The following ATP9B variants were observed in gnomAD, a reference collection of about 807,000 sequenced individuals.
ATP9B encodes the protein ATPase phospholipid transporting 9B, also known as probable phospholipid-transporting ATPase IIB.
ATP9B carries 110 observed loss-of-function variants against 146.1 expected under a neutral mutation model. The observed-to-expected ratio is 0.75, with a 90% confidence interval of 0.65 to 0.88. The LOEUF is 0.88. Ranked by LOEUF, ATP9B falls within the 40% of genes least tolerant of loss-of-function variation. ATP9B has a pLI of 0.00. For synonymous variants in ATP9B, 604 were observed against 569.7 expected (o/e 1.06, Z -0.86); for missense variants, 1,499 against 1,496.4 (o/e 1.00, Z -0.03).
At chr18:79,338,422 G>T (rs1006841696) in intron 19 of ATP9B, among the ~76,000 whole-genome samples, 1 of 152,192 alleles carries the variant, frequency 6.6e-6, no homozygotes, top group South Asian at 2.1e-4. Flanking sequence ...CATGCTCCCA[G>T]CAGCAGTATC....
At chr18:79,208,825 A>T (rs187250661) in intron 10 of ATP9B, among the ~76,000 whole-genome samples, 11 of 152,314 alleles carry the variant, frequency 7.2e-5, no homozygotes, top group Non-Finnish European at 1.0e-4. Flanking sequence ...TTTTCCATGA[A>T]GAGACTTCAG....
chr18:79,329,273 G>C lies in ATP9B; in HGVS notation c.1906G>C (p.Glu636Gln), dbSNP rs35782512. 1.6e-4 allele frequency: 254 copies of C among 1,611,384 alleles called. 1 individual carries two copies. In the African/African-American group the frequency reaches 2.7e-3, roughly 17 times the overall value. Residue 636 changes from glutamate (E) to glutamine (Q), a missense_variant, in exon 16 of 30, where the codon GAG (glutamate) becomes CAG (glutamine). By Grantham distance (29) the Glu-to-Gln change is conservative. Coordinates refer to ENST00000426216, the MANE Select transcript of ATP9B (RefSeq NM_198531.5). Reference protein sequence around the residue: ...CILQLFPFTSESKRMGVIVRD... With the variant: ...CILQLFPFTSQSKRMGVIVRD... ...TCTGCAGCTGTTTCCCTTCACCTCC[G>C]AGAGCAAGCGGATGGGCGTCATCGT...
intron 15 of ATP9B, among the ~76,000 whole-genome samples, chr18:79,310,578 AT>A (rs1231702610): frequency 6.6e-6 from 1 of 152,132 alleles, no homozygotes; most frequent in Non-Finnish European, 1.5e-5. Flanking sequence ...ACAACCAGTA[AT>A]GTCATTCATC....
chr18:79,175,861 C>T (rs2095159606), intron 7 of ATP9B, among the ~76,000 whole-genome samples: 2 of 152,204 alleles, frequency 1.3e-5, no homozygotes, highest in Non-Finnish European at 2.9e-5. Flanking sequence ...CAGATACACA[C>T]ATAGATACAT....
At chr18:79,272,321 G>A (rs2096264406) in intron 12 of ATP9B, among the ~76,000 whole-genome samples, 2 of 152,176 alleles carry the variant, frequency 1.3e-5, no homozygotes, top group African/African-American at 4.8e-5. Context: ...TGTTCCAGCG[G>A]CACAGCATGT....
intron 6 of ATP9B, 26 bp downstream of exon 6, chr18:79,143,886 G>A: frequency 6.9e-7 from 1 of 1,450,318 alleles, no homozygotes; most frequent in Admixed American, 2.1e-5. Flanking sequence ...ATATATTTTA[G>A]ACCTATGTAT....
chr18:79,166,091 G>A (rs1159696132), intron 7 of ATP9B, among the ~76,000 whole-genome samples: 1 of 152,172 alleles, frequency 6.6e-6, no homozygotes, highest in Non-Finnish European at 1.5e-5. Flanking sequence ...GTTCTGCCCA[G>A]GGTGAGAGAC....
rs114777870 is a variant in ATP9B, at chr18:79,273,279, G to C, written c.1269-3775G>C. On this transcript the variant is annotated intron_variant, in intron 12 of 29. Transcript: ENST00000426216. ...CGGAGAGAGGTCTAAACTAGGCCTC[G>C]ACATTTTGGGTCTTGTCTCCACCAT... 2.4e-3 allele frequency among the ~76,000 whole-genome samples: 369 copies of C among 152,240 alleles called. 1 individual carries two copies. Among genetic ancestry groups the C allele is most frequent in the African/African-American group, 8.0e-3 (332 of 41,548 alleles).
intron 7 of ATP9B, among the ~76,000 whole-genome samples, chr18:79,171,889 TTTG>T (rs2095078623): frequency 4.3e-5 from 6 of 141,108 alleles, no homozygotes; most frequent in Admixed American, 1.4e-4. Flanking sequence ...TTTTTTTTTG[TTTG>T]TTTGTTTGTT....
At chr18:79,273,099 G>C (rs1476668131) in intron 12 of ATP9B, among the ~76,000 whole-genome samples, 1 of 152,216 alleles carries the variant, frequency 6.6e-6, no homozygotes, top group African/African-American at 2.4e-5. Context: ...AACTTTCCAC[G>C]CTGAGGAAGA....
rs1469424488 is a variant in ATP9B at position 79,377,441 on chromosome 18, G to C, written c.*58G>C. 6.3e-7 allele frequency: 1 copy of C among 1,583,082 alleles called. No homozygotes were observed. Among genetic ancestry groups the C allele is most frequent in the Admixed American group, 1.7e-5 (1 of 58,412 alleles). ...CACCTTCTGCCCTTCCCAGCACCTTGTGCCCTTGCCAGTGAACGCAGGGTT... is the reference window on the plus strand; with the variant it reads ...CACCTTCTGCCCTTCCCAGCACCTTCTGCCCTTGCCAGTGAACGCAGGGTT... On this transcript the variant is annotated 3_prime_UTR_variant, in exon 30 of 30. Coordinates refer to ENST00000426216, the MANE Select transcript of ATP9B (RefSeq NM_198531.5).
intron 9 of ATP9B, among the ~76,000 whole-genome samples, chr18:79,200,787 G>A (rs1000112191): frequency 6.6e-6 from 1 of 151,748 alleles, no homozygotes; most frequent in Admixed American, 6.6e-5. Context: ...AGAAGTAGTG[G>A]TGGAATTGTT....
At chr18:79,346,092 A>T (rs2096885006) in intron 23 of ATP9B, among the ~76,000 whole-genome samples, 1 of 147,696 alleles carries the variant, frequency 6.8e-6, no homozygotes. Flanking sequence ...CGCACAGCAC[A>T]CACTCGGCAC....
chr18:79,167,594 T>C (rs1254817260), intron 7 of ATP9B, among the ~76,000 whole-genome samples: 6 of 152,122 alleles, frequency 3.9e-5, no homozygotes, highest in African/African-American at 1.4e-4. Context: ...CCACAGCTGG[T>C]AGTCCCAATT....
chr18:79,069,580 C>T (rs962743674), intron 1 of ATP9B, 51 bp downstream of exon 1: 4 of 1,183,238 alleles, frequency 3.4e-6, no homozygotes, highest in Non-Finnish European at 4.3e-6. Flanking sequence ...CCCGGGGCCC[C>T]CAGCCCACCG....
chr18:79,156,356 G>A (rs2094781426), intron 7 of ATP9B, among the ~76,000 whole-genome samples: 2 of 152,194 alleles, frequency 1.3e-5, no homozygotes, highest in African/African-American at 4.8e-5. Context: ...CCAAAAGTCT[G>A]TATGCCACAT....
intron 8 of ATP9B, among the ~76,000 whole-genome samples, chr18:79,180,702 A>T (rs1408620268): frequency 1.3e-5 from 2 of 152,148 alleles, no homozygotes; most frequent in Non-Finnish European, 2.9e-5. Context: ...CTTTAGCCCT[A>T]AGAACTTCTT....
At chr18:79,223,292 A>T (rs1036633667) in intron 11 of ATP9B, among the ~76,000 whole-genome samples, 9 of 152,114 alleles carry the variant, frequency 5.9e-5, no homozygotes, top group Admixed American at 6.5e-5. Context: ...TTAATATTTT[A>T]AAAGTTATAT....
At chr18:79,359,257 G>T in intron 25 of ATP9B, 97 bp from the exon 26 acceptor site, 1 of 832,052 alleles carries the variant, frequency 1.2e-6, no homozygotes, top group Admixed American at 2.6e-5. Context: ...AGTATTTTTT[G>T]GTGTTTTTGA....
Sources: gnomAD v4.1 joint callset for allele counts (sites outside exome capture counted in the v4.1 genomes callset) on GRCh38, gnomAD v4.1.1 for gene constraint, MANE v1.5 for transcripts, NCBI Gene and HGNC (gene_info 2026-07-23, HGNC 2026-07-21) for gene names.